Variants in KAZN observed in about 807,000 individuals in gnomAD.
KAZN encodes kazrin.
In KAZN, 40 loss-of-function variants were observed where a neutral mutation model predicts 87.4. That is an observed-to-expected ratio of 0.46 (90% confidence interval 0.36 to 0.60). KAZN has a LOEUF of 0.60. Among genes scored for constraint, KAZN ranks in the 20% least tolerant of loss-of-function variants. KAZN has a pLI of 0.00. For missense variants in KAZN, 898 were observed against 1,073.9 expected (o/e 0.84, Z 2.29); for synonymous variants, 466 against 458.3 (o/e 1.02, Z -0.22).
chr1:14,794,100 G>T (rs1645761831), intron 1 of KAZN, among the ~76,000 whole-genome samples: 2 of 152,304 alleles, frequency 1.3e-5, no homozygotes, highest in South Asian at 4.1e-4. Context: ...GTGCTCCTCA[G>T]GATGCAACCT....
intron 3 of KAZN, among the ~76,000 whole-genome samples, chr1:15,042,480 C>T (rs1010660065): frequency 6.6e-6 from 1 of 152,140 alleles, no homozygotes. Flanking sequence ...GACAATTGAG[C>T]AGGGATCTGA....
At position 14,119,475 on chromosome 1, in the gene KAZN, G is replaced by A. The variant is rs1156566083; in HGVS notation, c.92-60960G>A. 2.0e-5 allele frequency among the ~76,000 whole-genome samples: 3 copies of A among 152,150 alleles called. No individual in the cohort carries two copies. In the East Asian group the frequency reaches 5.8e-4, roughly 29 times the overall value. ...TTTGTCTTCAGGGTTACCACAATTG[G>A]AGCAAATGTTAGAACTCCTCTAGTG... On this transcript the variant is annotated intron_variant, in intron 1 of 16. Transcript: ENST00000636203.
rs375108374 is a variant in KAZN at position 15,105,961 on chromosome 1, T to C, written c.2048+1772T>C. 3.9e-5 allele frequency among the ~76,000 whole-genome samples: 6 copies of C among 152,138 alleles called. No homozygotes were observed. The East Asian group carries it at 5.8e-4, about 15-fold the overall frequency. On this transcript the variant is annotated intron_variant, in intron 13 of 14. Transcript: ENST00000376030. ...TACATTTTTAGCATTTTGGGGTGCT[T>C]CTTACAGAGACAATGTTTGATAAGA... is the stretch of plus-strand genomic sequence containing the variant.
intron 1 of KAZN, among the ~76,000 whole-genome samples, chr1:14,788,429 G>A (rs1028329866): frequency 1.3e-5 from 2 of 152,086 alleles, no homozygotes; most frequent in South Asian, 2.1e-4. Context: ...GAGGTGCTTC[G>A]GGGAAGCCGG....
intron 2 of KAZN, among the ~76,000 whole-genome samples, chr1:14,337,637 T>C (rs1004739445): frequency 6.6e-6 from 1 of 152,176 alleles, no homozygotes; most frequent in African/African-American, 2.4e-5. Context: ...GGCTCACGCC[T>C]GTAATCTCAG....
intron 1 of KAZN, among the ~76,000 whole-genome samples, chr1:14,040,947 C>T (rs555763755): frequency 1.3e-5 from 2 of 152,064 alleles, no homozygotes; most frequent in South Asian, 4.2e-4. Flanking sequence ...CCATTTTTTA[C>T]CTTTAAAATA....
chr1:14,477,431 TCTCTCTCTCTCTCCCC>T (rs1293200184), intron 2 of KAZN, among the ~76,000 whole-genome samples: 3 of 150,720 alleles, frequency 2.0e-5, no homozygotes, highest in African/African-American at 4.9e-5. Context: ...ATTCCCTCTC[TCTCTCTCTCTCTCCCC>T]CTCTCTCTCT....
chr1:14,635,045 T>C (rs765880168), intron 1 of KAZN, among the ~76,000 whole-genome samples: 8 of 152,142 alleles, frequency 5.3e-5, no homozygotes, highest in Non-Finnish European at 1.2e-4. Context: ...GGGAAGGGAA[T>C]GGTACCCACC....
chr1:15,033,959 C>T (rs1319604039), intron 2 of KAZN, among the ~76,000 whole-genome samples: 1 of 152,188 alleles, frequency 6.6e-6, no homozygotes, highest in Non-Finnish European at 1.5e-5. Context: ...AGGCTGGTCT[C>T]AAGCTCCTGA....
chr1:14,540,854 A>G (rs1672768053), intron 2 of KAZN, among the ~76,000 whole-genome samples: 1 of 152,228 alleles, frequency 6.6e-6, no homozygotes. Context: ...CCATGTATTT[A>G]TATATCCATA....
intron 2 of KAZN, among the ~76,000 whole-genome samples, chr1:14,402,303 A>G (rs1219562234): frequency 6.6e-6 from 1 of 151,942 alleles, no homozygotes; most frequent in Non-Finnish European, 1.5e-5. Context: ...CAAATTTATG[A>G]AAGAATATTA....
chr1:14,010,202 C>T (rs1424663554), intron 1 of KAZN, among the ~76,000 whole-genome samples: 1 of 152,084 alleles, frequency 6.6e-6, no homozygotes, highest in African/African-American at 2.4e-5. Context: ...AAAGTAAATG[C>T]ATAACACTTC....
At chr1:13,967,313 T>G (rs1046218852) in intron 1 of KAZN, among the ~76,000 whole-genome samples, 1 of 152,176 alleles carries the variant, frequency 6.6e-6, no homozygotes, top group Non-Finnish European at 1.5e-5. Flanking sequence ...TCACCTACCC[T>G]GCAAGGAATG....
At chr1:14,355,755 T>C (rs1658967321) in intron 2 of KAZN, among the ~76,000 whole-genome samples, 1 of 152,220 alleles carries the variant, frequency 6.6e-6, no homozygotes, top group African/African-American at 2.4e-5. Flanking sequence ...GCAAATGACA[T>C]GAACTCATCC....
At chr1:14,195,246 A>T (rs909284011) in intron 2 of KAZN, among the ~76,000 whole-genome samples, 1 of 152,052 alleles carries the variant, frequency 6.6e-6, no homozygotes, top group Admixed American at 6.6e-5. Context: ...AGCAATATGG[A>T]CAGGTTTACT....
At chr1:13,942,184 C>G (rs76432207) in intron 1 of KAZN, among the ~76,000 whole-genome samples, 1 of 151,954 alleles carries the variant, frequency 6.6e-6, no homozygotes, top group Non-Finnish European at 1.5e-5. Flanking sequence ...AATTCTCAAC[C>G]GGATTGAGGT....
chr1:14,893,082 A>C (rs987288724), intron 1 of KAZN, among the ~76,000 whole-genome samples: 1 of 152,196 alleles, frequency 6.6e-6, no homozygotes, highest in African/African-American at 2.4e-5. Context: ...TAAAAGGAAA[A>C]TAGAGGCCAG....
chr1:14,779,001 A>C (rs2100634638), intron 1 of KAZN, among the ~76,000 whole-genome samples: 1 of 152,228 alleles, frequency 6.6e-6, no homozygotes, highest in Non-Finnish European at 1.5e-5. Flanking sequence ...TGGTCATGTG[A>C]CTAGCTTGGG....
chr1:14,145,671 C>G (rs1021923315), intron 1 of KAZN, among the ~76,000 whole-genome samples: 3 of 151,908 alleles, frequency 2.0e-5, no homozygotes, highest in Non-Finnish European at 4.4e-5. Flanking sequence ...ACCTCTGTCT[C>G]CCAGATTCAA....
Sources: allele counts gnomAD v4.1 joint callset (sites outside exome capture counted in the v4.1 genomes callset), GRCh38; gene constraint gnomAD v4.1.1; transcripts MANE v1.5; gene names NCBI Gene and HGNC (gene_info 2026-07-23, HGNC 2026-07-21).